The following VOPP1 variants were observed in gnomAD, a reference collection of about 807,000 sequenced individuals.
The protein encoded by VOPP1 is VOPP1 WW domain binding protein, also known as WW domain binding protein VOPP1.
In VOPP1, 8 loss-of-function variants were observed where a neutral mutation model predicts 23.5. The ratio of observed to expected loss-of-function variants is 0.34; its 90% CI spans 0.20 to 0.61. VOPP1 has a LOEUF of 0.61. Ranked by LOEUF, VOPP1 falls within the 20% of genes least tolerant of loss-of-function variation. The probability of loss-of-function intolerance (pLI) is 0.78; values close to 1 mark genes in which losing one functional copy is unlikely to be tolerated. For missense variants in VOPP1, 174 were observed against 238.1 expected, an observed-to-expected ratio of 0.73 and a Z score of 1.77; for synonymous variants, 83 against 97.3, an observed-to-expected ratio of 0.85 and a Z score of 0.86.
intron 2 of VOPP1, among the ~76,000 whole-genome samples, chr7:55,506,160 T>C (rs570100400): frequency 6.6e-6 from 1 of 152,310 alleles, no homozygotes; most frequent in African/African-American, 2.4e-5. Context: ...GGTGGGCTGT[T>C]TGTCTCTGGG....
chr7:55,480,450 T>C (rs1197347908), intron 4 of VOPP1, among the ~76,000 whole-genome samples: 1 of 152,242 alleles, frequency 6.6e-6, no homozygotes, highest in East Asian at 1.9e-4. Flanking sequence ...TTCTCCTTTA[T>C]TGATTAGATT....
intron 4 of VOPP1, among the ~76,000 whole-genome samples, chr7:55,450,283 T>G (rs1791210906): frequency 1.3e-5 from 2 of 152,112 alleles, no homozygotes; most frequent in African/African-American, 4.8e-5. Context: ...CCTCTTCTCT[T>G]GGGTGTCCCC....
chr7:55,564,555 C>T (rs1483795242), intron 1 of VOPP1, among the ~76,000 whole-genome samples: 1 of 152,144 alleles, frequency 6.6e-6, no homozygotes, highest in African/African-American at 2.4e-5. Flanking sequence ...CAACTATGAT[C>T]ACAATCACAA....
intron 1 of VOPP1, among the ~76,000 whole-genome samples, chr7:55,562,378 G>T (rs1310806852): frequency 6.6e-6 from 1 of 152,138 alleles, no homozygotes; most frequent in African/African-American, 2.4e-5. Flanking sequence ...AGTCTTACTG[G>T]GATGTGCTGG....
intron 1 of VOPP1, among the ~76,000 whole-genome samples, chr7:55,562,946 C>T (rs932791597): frequency 1.3e-5 from 2 of 152,168 alleles, no homozygotes; most frequent in African/African-American, 2.4e-5. Flanking sequence ...GCACATCACT[C>T]GGAAGTTCAA....
At chr7:55,553,964 C>A (rs1797716034) in intron 1 of VOPP1, 1 of 152,390 alleles carries the variant, frequency 6.6e-6, no homozygotes, top group South Asian at 2.1e-4. Flanking sequence ...GAAGGCATGT[C>A]CTGGAGGGAT....
intron 3 of VOPP1, among the ~76,000 whole-genome samples, chr7:55,494,229 C>T (rs903547228): frequency 2.0e-5 from 3 of 152,170 alleles, no homozygotes; most frequent in Non-Finnish European, 2.9e-5. Context: ...CTCCTAAAAC[C>T]GATTTCCCTC....
chr7:55,484,076 AG>A (rs1483783727), intron 4 of VOPP1, among the ~76,000 whole-genome samples: 1 of 152,182 alleles, frequency 6.6e-6, no homozygotes, highest in East Asian at 1.9e-4. Context: ...CTTCTTACAG[AG>A]GAGTGTTAAC....
chr7:55,569,731 G>C (rs1217258198), intron 1 of VOPP1, among the ~76,000 whole-genome samples: 1 of 152,152 alleles, frequency 6.6e-6, no homozygotes, highest in Non-Finnish European at 1.5e-5. Context: ...TGTCTAACAG[G>C]TAAGTAAATT....
intron 4 of VOPP1, among the ~76,000 whole-genome samples, chr7:55,463,550 T>C (rs1054351626): frequency 6.6e-6 from 1 of 152,190 alleles, no homozygotes; most frequent in African/African-American, 2.4e-5. Context: ...TCAGTGTCAG[T>C]GGTATCTGTG....
chr7:55,465,665 G>A (rs1012963246), downstream of VOPP1, among the ~76,000 whole-genome samples: 3 of 152,288 alleles, frequency 2.0e-5, no homozygotes, highest in East Asian at 1.9e-4. Flanking sequence ...TGCAAGCTTC[G>A]TATAAACAAT....
At chr7:55,509,241 G>A (rs80198007) in intron 2 of VOPP1, among the ~76,000 whole-genome samples, 2 of 152,260 alleles carry the variant, frequency 1.3e-5, no homozygotes, top group East Asian at 3.9e-4. Context: ...ACTTGAGTTG[G>A]TCTTAGTCCA....
At chr7:55,493,492 G>A (rs1468377847) in intron 3 of VOPP1, among the ~76,000 whole-genome samples, 1 of 152,264 alleles carries the variant, frequency 6.6e-6, no homozygotes, top group Non-Finnish European at 1.5e-5. Flanking sequence ...CCTTCAGCCA[G>A]TCCAAAAGTA....
chr7:55,548,979 C>A (rs1231562934), intron 1 of VOPP1, among the ~76,000 whole-genome samples: 3 of 152,114 alleles, frequency 2.0e-5, no homozygotes, highest in Non-Finnish European at 4.4e-5. Context: ...GTGAGACTGG[C>A]CATCTGGAGG....
intron 4 of VOPP1, among the ~76,000 whole-genome samples, chr7:55,488,160 G>A (rs1793285700): frequency 6.6e-6 from 1 of 152,226 alleles, no homozygotes; most frequent in South Asian, 2.1e-4. Context: ...TGCTGCTGCT[G>A]CATCTTGGCT....
intron 4 of VOPP1, among the ~76,000 whole-genome samples, chr7:55,448,549 C>T (rs1791159250): frequency 7.3e-6 from 1 of 137,676 alleles, no homozygotes; most frequent in Admixed American, 8.5e-5. Context: ...CCGGTCCTGG[C>T]AGTTGGCAGG....
intron 1 of VOPP1, among the ~76,000 whole-genome samples, chr7:55,569,383 C>A (rs1338976735): frequency 1.3e-5 from 2 of 152,180 alleles, no homozygotes; most frequent in Non-Finnish European, 2.9e-5. Flanking sequence ...GGAAGGGTGA[C>A]TGAGTTTCTA....
chr7:55,495,101 G>A (rs1478278047), intron 3 of VOPP1, among the ~76,000 whole-genome samples: 1 of 151,822 alleles, frequency 6.6e-6, no homozygotes, highest in African/African-American at 2.4e-5. Flanking sequence ...CCCAAGGACT[G>A]GTGCAGCTAC....
At chr7:55,492,466 G>C in intron 3 of VOPP1, 48 bp from the exon 4 acceptor site, 2 of 1,561,602 alleles carry the variant, frequency 1.3e-6, no homozygotes, top group Non-Finnish European at 1.7e-6. Flanking sequence ...TGGGGGCCCT[G>C]AGGGCTTGGC....
Sources: allele counts gnomAD v4.1 joint callset (sites outside exome capture counted in the v4.1 genomes callset), GRCh38; gene constraint gnomAD v4.1.1; transcripts MANE v1.5; gene names NCBI Gene and HGNC (gene_info 2026-07-23, HGNC 2026-07-21).